The following KIFAP3 variants were observed in gnomAD, a reference collection of about 807,000 sequenced individuals.
KIFAP3 encodes kinesin associated protein 3, also known as kinesin-associated protein 3.
KIFAP3 carries 68 observed loss-of-function variants against 106.5 expected under a neutral mutation model. That is an observed-to-expected ratio of 0.64 (90% CI 0.53 to 0.78). The LOEUF (loss-of-function observed/expected upper bound fraction) is 0.78, where lower values mean the gene tolerates loss of function less well. Among genes scored for constraint, KIFAP3 ranks in the 30% least tolerant of loss-of-function variants. The pLI is 0.00. For missense variants in KIFAP3, 780 were observed against 941.8 expected, an observed-to-expected ratio of 0.83 and a Z score of 2.25; for synonymous variants, 320 against 311.5, an observed-to-expected ratio of 1.03 and a Z score of -0.29.
At chr1:169,960,396 T>C (rs993840148) in intron 18 of KIFAP3, among the ~76,000 whole-genome samples, 1 of 152,124 alleles carries the variant, frequency 6.6e-6, no homozygotes, top group Admixed American at 6.6e-5. Context: ...TTGGCAACAG[T>C]ACAAAACAGT....
At position 169,977,989 on chromosome 1, in the gene KIFAP3, G is replaced by A. The variant is rs146440789; in HGVS notation, c.1897+96C>T. 1.8e-3 allele frequency: 1,359 copies of A among 748,132 alleles called. 7 individuals carry two copies. Among genetic ancestry groups the A allele is most frequent in the Non-Finnish European group, 2.6e-3 (1,226 of 466,838 alleles). The allele number at this position is 748,132 out of a possible 1,614,324, so 46.3% of individuals were successfully genotyped here. Reference sequence around the variant, plus strand: ...TATCTCAAAACTTAGTGTTTTCTACGTTATTTCAACATTTGCAAAAAAAAA... The same window carrying A: ...TATCTCAAAACTTAGTGTTTTCTACATTATTTCAACATTTGCAAAAAAAAA... On this transcript the variant is annotated intron_variant, in intron 16 of 19. Transcript: ENST00000361580.
At chr1:169,953,735 C>T (rs147173709) in intron 19 of KIFAP3, among the ~76,000 whole-genome samples, 4,031 of 152,234 alleles carry the variant, frequency 0.026, 100 homozygotes, top group South Asian at 0.093. Context: ...AGGATGGTCT[C>T]GATCTCCTGA....
intron 19 of KIFAP3, among the ~76,000 whole-genome samples, chr1:169,932,330 T>C (rs1663538211): frequency 6.6e-6 from 1 of 152,164 alleles, no homozygotes; most frequent in South Asian, 2.1e-4. Context: ...CTAAACATGC[T>C]GTAAAGTCTA....
chr1:169,947,876 TATTC>T (rs1664522615), intron 19 of KIFAP3, among the ~76,000 whole-genome samples: 1 of 151,578 alleles, frequency 6.6e-6, no homozygotes, highest in South Asian at 2.1e-4. Context: ...GAAAGGTGGA[TATTC>T]ATTAGTAAAT....
At chr1:169,971,005 T>C (rs1558207378) in intron 17 of KIFAP3, among the ~76,000 whole-genome samples, 1 of 152,076 alleles carries the variant, frequency 6.6e-6, no homozygotes, top group Non-Finnish European at 1.5e-5. Context: ...GCTCAGAGTT[T>C]AGAAATTATT....
chr1:169,986,007 G>A (rs1666811850), intron 11 of KIFAP3, among the ~76,000 whole-genome samples: 1 of 151,722 alleles, frequency 6.6e-6, no homozygotes, highest in African/African-American at 2.4e-5. Context: ...TTTTTTCTCA[G>A]CCCAAATTGT....
At chr1:170,001,380 C>A (rs748399179) in intron 10 of KIFAP3, among the ~76,000 whole-genome samples, 3 of 152,034 alleles carry the variant, frequency 2.0e-5, no homozygotes, top group Non-Finnish European at 4.4e-5. Context: ...CAGCTGGTGA[C>A]AGAAGAATCT....
rs145406203 is a variant in KIFAP3, at chr1:169,973,105, G to GTGTATATATATATATATATATATATA, written c.1898-508_1898-507insTATATATATATATATATATATATACA. Among the ~76,000 whole-genome samples, 279 of 90,186 alleles carry GTGTATATATATATATATATATATATA rather than the reference G, an allele frequency of 3.1e-3. 25 individuals carry two copies. The highest frequency in any genetic ancestry group is 7.5e-3 in the Middle Eastern group (1 of 134). 59.2% of individuals were successfully genotyped at this position (90,186 alleles called of 152,430 possible). A position where few individuals can be genotyped will look rare whatever the true frequency, so the allele number is the denominator to read the frequency against. On this transcript the variant is annotated intron_variant, in intron 16 of 19. Transcript: ENST00000361580. Reference sequence around the variant, plus strand: ...ATAAAAATAATTTAAAAAATAGTGTGTATATATATATATATATAAACAACA... The same window carrying GTGTATATATATATATATATATATATA: ...ATAAAAATAATTTAAAAAATAGTGTGTGTATATATATATATATATATATATATATATATATATATATATAAACAACA...
chr1:170,065,396 G>A (rs1240436129), intron 1 of KIFAP3, among the ~76,000 whole-genome samples: 3 of 152,002 alleles, frequency 2.0e-5, no homozygotes, highest in African/African-American at 7.2e-5. Flanking sequence ...GGTGGATCAT[G>A]AGGTCAGGAG....
At position 169,955,840 on chromosome 1, in the gene KIFAP3, G is replaced by C. The variant is rs1157007935; in HGVS notation, c.2174-1730C>G. On this transcript the variant is annotated intron_variant, in intron 18 of 19. Coordinates refer to ENST00000361580, the MANE Select transcript of KIFAP3 (RefSeq NM_014970.4). The stretch of plus-strand genomic sequence containing the variant: ...GTTTTTATGTCCACTAGAAGTTAAA[G>C]TTTCTATAAATCAAAAAGACCAGCT... 2.0e-5 allele frequency among the ~76,000 whole-genome samples: 3 copies of C among 151,926 alleles called. No individual in the cohort carries two copies. The East Asian group carries it at 5.8e-4, about 29-fold the overall frequency.
At chr1:169,999,698 G>A (rs1049675069) in intron 10 of KIFAP3, among the ~76,000 whole-genome samples, 3 of 152,128 alleles carry the variant, frequency 2.0e-5, no homozygotes, top group African/African-American at 4.8e-5. Context: ...GGAATTCACC[G>A]TTAATTAGCT....
At chr1:169,989,278 CA>C (rs1277000040) in intron 11 of KIFAP3, among the ~76,000 whole-genome samples, 25 of 151,832 alleles carry the variant, frequency 1.6e-4, no homozygotes, top group Non-Finnish European at 1.5e-5. Flanking sequence ...AGGATAACTC[CA>C]AATTCAAAAT....
intron 19 of KIFAP3, among the ~76,000 whole-genome samples, chr1:169,950,151 A>T (rs1004575070): frequency 2.0e-5 from 3 of 152,066 alleles, no homozygotes; most frequent in Non-Finnish European, 4.4e-5. Flanking sequence ...GAAATAAATA[A>T]TTTTTCTTTA....
intron 16 of KIFAP3, among the ~76,000 whole-genome samples, chr1:169,973,123 A>ATATATATATAT (rs1553278139): frequency 4.7e-5 from 6 of 128,656 alleles, no homozygotes; most frequent in African/African-American, 8.7e-5. Context: ...ATATATATAT[A>ATATATATATAT]AACAACACAA....
chr1:169,939,810 C>G (rs768978401), intron 19 of KIFAP3, among the ~76,000 whole-genome samples: 3 of 152,076 alleles, frequency 2.0e-5, no homozygotes, highest in Non-Finnish European at 4.4e-5. Flanking sequence ...TCAACTGTGT[C>G]AAAACCAGCT....
At chr1:170,084,824 C>G (rs965591375) in intron 1 of KIFAP3, among the ~76,000 whole-genome samples, 4 of 152,158 alleles carry the variant, frequency 2.6e-5, no homozygotes, top group African/African-American at 9.7e-5. Context: ...TGAATATTTC[C>G]TGCAGGCATG....
intron 17 of KIFAP3, among the ~76,000 whole-genome samples, chr1:169,964,482 G>A (rs1665500486): frequency 6.6e-6 from 1 of 152,094 alleles, no homozygotes; most frequent in South Asian, 2.1e-4. Flanking sequence ...ATAACCCCCA[G>A]GGACAACTTT....
chr1:170,057,007 A>G (rs905331181), intron 1 of KIFAP3, among the ~76,000 whole-genome samples: 5 of 152,184 alleles, frequency 3.3e-5, no homozygotes, highest in Admixed American at 2.6e-4. Flanking sequence ...CACAGGAAAC[A>G]AAAGATCTAA....
At chr1:170,055,519 G>A (rs573640671) in intron 1 of KIFAP3, 83 bp from the exon 2 acceptor site, 20 of 1,126,110 alleles carry the variant, frequency 1.8e-5, no homozygotes, top group South Asian at 1.2e-4. Context: ...GGTCTATAAC[G>A]TGGGTTGGAT....
Sources: allele counts gnomAD v4.1 joint callset (sites outside exome capture counted in the v4.1 genomes callset), GRCh38; gene constraint gnomAD v4.1.1; transcripts MANE v1.5; gene names NCBI Gene and HGNC (gene_info 2026-07-23, HGNC 2026-07-21).